Variants in RANBP17 observed in about 807,000 individuals in gnomAD.
RANBP17 encodes the protein ran-binding protein 17.
Under a neutral mutation model 141.2 loss-of-function variants are expected in RANBP17, and 158 were observed. The observed-to-expected ratio is 1.12, with a 90% CI of 0.98 to 1.28. RANBP17 has a LOEUF of 1.28. Ranked by LOEUF, RANBP17 falls within the 50% of genes most tolerant of loss-of-function variation. RANBP17 has a pLI of 0.00. For missense variants in RANBP17, 1,438 were observed against 1,290.7 expected, an observed-to-expected ratio of 1.11 and a Z score of -1.75; for synonymous variants, 430 against 450.0, an observed-to-expected ratio of 0.96 and a Z score of 0.56.
At chr5:171,234,872 C>T (rs190568135) in intron 22 of RANBP17, among the ~76,000 whole-genome samples, 1 of 152,194 alleles carries the variant, frequency 6.6e-6, no homozygotes, top group African/African-American at 2.4e-5. Flanking sequence ...TCTAGGGAGT[C>T]CTTTGACTCA....
chr5:171,232,835 T>C (rs1764285738), intron 22 of RANBP17, among the ~76,000 whole-genome samples: 1 of 152,212 alleles, frequency 6.6e-6, no homozygotes, highest in Non-Finnish European at 1.5e-5. Context: ...CTGCAAAATA[T>C]TCCATTTTAT....
At chr5:171,182,623 G>A (rs746735437) in intron 16 of RANBP17, among the ~76,000 whole-genome samples, 3 of 152,242 alleles carry the variant, frequency 2.0e-5, no homozygotes, top group East Asian at 1.9e-4. Flanking sequence ...TGCCTTTTAC[G>A]TACTAGGCAC....
chr5:171,174,552 A>G (rs1051643976), intron 16 of RANBP17, among the ~76,000 whole-genome samples: 4 of 152,136 alleles, frequency 2.6e-5, no homozygotes, highest in Admixed American at 2.6e-4. Context: ...TTGTTCGGTA[A>G]TCATTATTTC....
intron 24 of RANBP17, among the ~76,000 whole-genome samples, chr5:171,244,879 A>C (rs1333114392): frequency 6.6e-6 from 1 of 152,146 alleles, no homozygotes; most frequent in Admixed American, 6.5e-5. Flanking sequence ...TAATCCCAGC[A>C]CTTTGGGAGG....
intron 14 of RANBP17, among the ~76,000 whole-genome samples, chr5:170,994,296 G>A (rs1176266694): frequency 6.6e-6 from 1 of 152,048 alleles, no homozygotes; most frequent in Non-Finnish European, 1.5e-5. Context: ...AAAATTAGAG[G>A]TGGTTCTATT....
At chr5:171,287,351 G>A (rs1419059382) in intron 25 of RANBP17, among the ~76,000 whole-genome samples, 1 of 152,114 alleles carries the variant, frequency 6.6e-6, no homozygotes, top group African/African-American at 2.4e-5. Flanking sequence ...AAAGCTGGGT[G>A]TGGTGGCCCG....
chr5:170,866,432 T>C lies in RANBP17; in HGVS notation c.18+4381T>C, dbSNP rs549107945. On this transcript the variant is annotated intron_variant, in intron 1 of 27. Transcript: ENST00000523189. ...GCTCACGCCTGTAATCCCAGCACTT[T>C]TGGGAGGCTGAGGCAGGTGGGTCAC... Among the ~76,000 whole-genome samples, 6 of 152,144 alleles carry C rather than the reference T, an allele frequency of 3.9e-5. No individual in the cohort carries two copies. The East Asian group carries it at 5.8e-4, about 15-fold the overall frequency.
chr5:171,014,364 C>CT (rs1780288045), intron 14 of RANBP17, among the ~76,000 whole-genome samples: 1 of 151,808 alleles, frequency 6.6e-6, no homozygotes, highest in Non-Finnish European at 1.5e-5. Flanking sequence ...ACTGTTTTCC[C>CT]TTTTTATCTG....
At chr5:171,015,493 T>TA (rs1465577336) in intron 14 of RANBP17, among the ~76,000 whole-genome samples, 1 of 152,122 alleles carries the variant, frequency 6.6e-6, no homozygotes, top group African/African-American at 2.4e-5. Flanking sequence ...TTTGGGCTGT[T>TA]TTTATATTTT....
chr5:171,023,874 A>G (rs1781052394), intron 14 of RANBP17, among the ~76,000 whole-genome samples: 1 of 152,202 alleles, frequency 6.6e-6, no homozygotes, highest in Admixed American at 6.5e-5. Flanking sequence ...CATACATTCT[A>G]GTCCTTCACT....
At chr5:170,908,745 C>T (rs547947342) in intron 5 of RANBP17, among the ~76,000 whole-genome samples, 4 of 151,372 alleles carry the variant, frequency 2.6e-5, no homozygotes, top group Admixed American at 1.3e-4. Flanking sequence ...AATCATTTGG[C>T]CTTCTGTTAT....
At chr5:171,145,047 T>C (rs889831808) in intron 14 of RANBP17, among the ~76,000 whole-genome samples, 4 of 152,226 alleles carry the variant, frequency 2.6e-5, no homozygotes, top group Non-Finnish European at 5.9e-5. Flanking sequence ...TTGCATGATA[T>C]TAAATTGAAA....
At chr5:170,893,673 G>A (rs1431122126) in intron 4 of RANBP17, among the ~76,000 whole-genome samples, 1 of 151,878 alleles carries the variant, frequency 6.6e-6, no homozygotes, top group Non-Finnish European at 1.5e-5. Context: ...GGCGCCTGTA[G>A]TCCCAGCTAC....
chr5:171,250,236 CTG>C (rs1765471652), intron 24 of RANBP17, among the ~76,000 whole-genome samples: 1 of 152,202 alleles, frequency 6.6e-6, no homozygotes. Context: ...TACCACTAGA[CTG>C]CAGCCACAAG....
chr5:171,081,428 G>C (rs1785252620), intron 14 of RANBP17, among the ~76,000 whole-genome samples: 2 of 152,152 alleles, frequency 1.3e-5, no homozygotes, highest in Admixed American at 1.3e-4. Context: ...AGTTAGCAGT[G>C]TATTCACAAT....
At chr5:170,982,835 C>T (rs1477004487) in intron 14 of RANBP17, among the ~76,000 whole-genome samples, 3 of 151,978 alleles carry the variant, frequency 2.0e-5, no homozygotes, top group Non-Finnish European at 4.4e-5. Flanking sequence ...CTTAAAGCTT[C>T]CAGAGAGAAG....
intron 14 of RANBP17, among the ~76,000 whole-genome samples, chr5:170,991,890 T>C (rs1778534784): frequency 6.6e-6 from 1 of 152,048 alleles, no homozygotes; most frequent in Admixed American, 6.6e-5. Flanking sequence ...GTGTAATCTT[T>C]AGAACATCTA....
chr5:171,101,637 T>G (rs1445894496), intron 14 of RANBP17, among the ~76,000 whole-genome samples: 3 of 152,234 alleles, frequency 2.0e-5, no homozygotes, highest in Non-Finnish European at 2.9e-5. Context: ...ATCCTGTCAT[T>G]ATGATGCTAG....
At chr5:171,039,427 G>C (rs1581466794) in intron 14 of RANBP17, among the ~76,000 whole-genome samples, 2 of 151,450 alleles carry the variant, frequency 1.3e-5, no homozygotes, top group South Asian at 4.2e-4. Context: ...TTAATGAGAT[G>C]TATTTGTTTT....
Sources: gnomAD v4.1 joint callset for allele counts (sites outside exome capture counted in the v4.1 genomes callset) on GRCh38, gnomAD v4.1.1 for gene constraint, MANE v1.5 for transcripts, NCBI Gene and HGNC (gene_info 2026-07-23, HGNC 2026-07-21) for gene names.